CUBN: variants seen among roughly 807,000 people sequenced by gnomAD.
CUBN encodes the protein 460 kDa receptor.
Under a neutral mutation model 405.3 loss-of-function variants are expected in CUBN, and 282 were observed. The ratio of observed to expected loss-of-function variants is 0.70; its 90% CI spans 0.63 to 0.77. CUBN has a LOEUF of 0.77. Among genes scored for constraint, CUBN ranks in the 30% least tolerant of loss-of-function variants. The pLI, the probability that CUBN is intolerant of heterozygous loss-of-function variation, is 0.00. For missense variants in CUBN, 4,514 were observed against 4,475.2 expected, an observed-to-expected ratio of 1.01 and a Z score of -0.25; for synonymous variants, 1,684 against 1,617.0, an observed-to-expected ratio of 1.04 and a Z score of -0.99.
chr10:16,981,461 A>G, intron 31 of CUBN, among the ~76,000 whole-genome samples: 1 of 152,130 alleles, frequency 6.6e-6, no homozygotes, highest in East Asian at 1.9e-4. Flanking sequence ...GTCAGGGTGT[A>G]AAAGGCTGTC....
chr10:16,830,351 A>G (rs1838948081), intron 65 of CUBN, among the ~76,000 whole-genome samples: 1 of 152,224 alleles, frequency 6.6e-6, no homozygotes, highest in Non-Finnish European at 1.5e-5. Context: ...TTCTTAAGAT[A>G]TTTAAAGTGA....
chr10:16,880,270 T>TG (rs1476194408), intron 56 of CUBN, among the ~76,000 whole-genome samples: 1 of 152,168 alleles, frequency 6.6e-6, no homozygotes, highest in African/African-American at 2.4e-5. Flanking sequence ...ATCCTGACCA[T>TG]GGTTGATTGA....
intron 53 of CUBN, among the ~76,000 whole-genome samples, chr10:16,899,545 C>T (rs185017549): frequency 1.4e-3 from 220 of 152,192 alleles, no homozygotes; most frequent in African/African-American, 4.6e-3. Flanking sequence ...ATTTTATTAC[C>T]ATTCACACAT....
chr10:17,058,167 G>C (rs1835433467), intron 22 of CUBN, among the ~76,000 whole-genome samples: 1 of 151,920 alleles, frequency 6.6e-6, no homozygotes, highest in Non-Finnish European at 1.5e-5. Context: ...ATGTATTCCT[G>C]TTCACAGCTG....
intron 59 of CUBN, among the ~76,000 whole-genome samples, chr10:16,862,845 C>G (rs764660007): frequency 1.3e-5 from 2 of 152,134 alleles, no homozygotes; most frequent in Non-Finnish European, 2.9e-5. Flanking sequence ...GTGCTTCTTC[C>G]CAGCACCTGT....
In CUBN at chr10:17,127,715, C is replaced by T. The variant is rs1395425542; in HGVS notation, c.348+114G>A. 28 of 703,866 alleles carry T rather than the reference C, an allele frequency of 4.0e-5. No homozygotes were observed. The East Asian group carries it at 7.1e-4, about 18-fold the overall frequency. The allele number at this position is 703,866 out of a possible 1,614,324, so 43.6% of individuals were successfully genotyped here. A position where few individuals can be genotyped will look rare whatever the true frequency, so the allele number is the denominator to read the frequency against. On this transcript the variant is annotated intron_variant, in intron 3 of 66. Transcript: ENST00000377833. ...CATTTAACCAAACAGTGAGTAGTTA[C>T]ATGCTAAATCTCTAAAGAGCACACA...
intron 58 of CUBN, among the ~76,000 whole-genome samples, chr10:16,870,090 A>C (rs1429485838): frequency 6.6e-6 from 1 of 152,232 alleles, no homozygotes; most frequent in Non-Finnish European, 1.5e-5. Context: ...GGGATGTCAA[A>C]GTGAGTAAGA....
chr10:16,849,220 C>T (rs1445920352), intron 60 of CUBN, among the ~76,000 whole-genome samples: 1 of 152,108 alleles, frequency 6.6e-6, no homozygotes, highest in Non-Finnish European at 1.5e-5. Context: ...AAAGAATCCC[C>T]CTGCCCCTTG....
At chr10:16,827,919 A>C (rs1588562662) in intron 66 of CUBN, among the ~76,000 whole-genome samples, 1 of 152,204 alleles carries the variant, frequency 6.6e-6, no homozygotes, top group East Asian at 1.9e-4. Flanking sequence ...CTTGCACATC[A>C]AATGAGAGGA....
chr10:16,980,791 A>G (rs2932896), intron 31 of CUBN, among the ~76,000 whole-genome samples: 126,034 of 151,844 alleles, frequency 0.83, 54,274 homozygotes, highest in Non-Finnish European at 0.96. Flanking sequence ...GTATACCTAT[A>G]TAACAAACCT....
intron 39 of CUBN, 146 bp from the exon 40 acceptor site, chr10:16,933,430 T>C (rs1424693983): frequency 2.8e-6 from 2 of 713,890 alleles, no homozygotes; most frequent in African/African-American, 3.6e-5. Context: ...ATATCGTATG[T>C]AACCCACTGA....
intron 59 of CUBN, among the ~76,000 whole-genome samples, chr10:16,860,245 G>A (rs1239962372): frequency 6.6e-6 from 1 of 152,028 alleles, no homozygotes; most frequent in Non-Finnish European, 1.5e-5. Context: ...GAAAGGCATA[G>A]CCAAACAAAA....
chr10:17,052,621 G>A (rs546682648), intron 22 of CUBN, among the ~76,000 whole-genome samples: 3 of 151,426 alleles, frequency 2.0e-5, no homozygotes, highest in South Asian at 2.1e-4. Flanking sequence ...TTAGCCAGGC[G>A]TGCTGGTGCA....
rs766542057 is a variant in CUBN at position 17,114,088 on chromosome 10, G to A, written c.822C>T (p.Cys274=). The A allele has an allele frequency of 1.2e-6, 2 of 1,613,226 alleles. No homozygotes were observed. The highest frequency in any genetic ancestry group is 1.7e-6 in the Non-Finnish European group (2 of 1,179,668). ...RDECSFQPGP[C]STLVQCFNTQ... The stretch of plus-strand genomic sequence containing the variant: ...TGTTGAAACACTGCACAAGTGTGGA[G>A]CAAGGCCCGGGCTGGAAGCTGCACT... Residue 274 remains cysteine, a synonymous_variant, in exon 8 of 67, where the codon TGC becomes TGT. Coordinates refer to ENST00000377833, the MANE Select transcript of CUBN (RefSeq NM_001081.4).
intron 59 of CUBN, among the ~76,000 whole-genome samples, chr10:16,854,972 CCTT>C (rs746016965): frequency 2.3e-4 from 33 of 141,244 alleles, no homozygotes; most frequent in African/African-American, 3.6e-4. Flanking sequence ...CTCCCTCACT[CCTT>C]CTTTTTTCTT....
intron 43 of CUBN, among the ~76,000 whole-genome samples, chr10:16,923,380 C>CA (rs1842093467): frequency 6.6e-6 from 1 of 152,136 alleles, no homozygotes; most frequent in East Asian, 1.9e-4. Context: ...GATTTGATGT[C>CA]AAAAAATGTT....
At chr10:16,831,800 T>G (rs1473995455) in intron 64 of CUBN, among the ~76,000 whole-genome samples, 3 of 152,126 alleles carry the variant, frequency 2.0e-5, no homozygotes, top group African/African-American at 7.2e-5. Flanking sequence ...TGTTGCCTGC[T>G]CTGCTTCCAG....
At chr10:16,852,065 C>T (rs1331395678) in intron 59 of CUBN, among the ~76,000 whole-genome samples, 3 of 103,508 alleles carry the variant, frequency 2.9e-5, no homozygotes, top group Non-Finnish European at 5.9e-5. Flanking sequence ...TCCATCTTTC[C>T]CTCCCTCCAT....
intron 34 of CUBN, among the ~76,000 whole-genome samples, chr10:16,948,951 G>C (rs939184214): frequency 6.6e-6 from 1 of 152,140 alleles, no homozygotes; most frequent in Non-Finnish European, 1.5e-5. Flanking sequence ...CTATTTTGTA[G>C]CACAGAAAAG....
Sources: gnomAD v4.1 joint callset for allele counts (sites outside exome capture counted in the v4.1 genomes callset) on GRCh38, gnomAD v4.1.1 for gene constraint, MANE v1.5 for transcripts, NCBI Gene and HGNC (gene_info 2026-07-23, HGNC 2026-07-21) for gene names.